PTGIR: variants seen among roughly 807,000 people sequenced by gnomAD.
PTGIR encodes prostaglandin I2 receptor, also known as prostacyclin receptor.
Under a neutral mutation model 17.6 loss-of-function variants are expected in PTGIR, and 16 were observed. The observed-to-expected ratio is 0.91, with a 90% confidence interval of 0.61 to 1.38. PTGIR has a LOEUF of 1.38. PTGIR is among the 40% of genes most tolerant of loss of function. The pLI, the probability that PTGIR is intolerant of heterozygous loss-of-function variation, is 0.00. For missense variants in PTGIR, 532 were observed against 548.6 expected (o/e 0.97, Z 0.30); for synonymous variants, 274 against 255.4 (o/e 1.07, Z -0.69).
At chr19:46,618,103 C>A (rs1438563303), downstream of PTGIR, among the ~76,000 whole-genome samples, 3 of 151,288 alleles carry the variant, frequency 2.0e-5, no homozygotes, top group Non-Finnish European at 4.4e-5. Flanking sequence ...CAAGCTCTGC[C>A]TCCCGGGTTC....
intron 2 of PTGIR, chr19:46,622,103 G>A (rs1460231650): frequency 8.1e-6 from 8 of 985,452 alleles, no homozygotes; most frequent in East Asian, 2.3e-4. Context: ...CCCCCAATCC[G>A]GCCTGGCCTC....
Position 46,621,976 on chromosome 19 carries a change from G to A in PTGIR, c.769-304C>T. On this transcript the variant is annotated intron_variant, in intron 2 of 2. Coordinates refer to ENST00000291294, the MANE Select transcript of PTGIR (RefSeq NM_000960.4). The surrounding 1 kb of genome is among the most constrained non-coding windows in gnomAD (Gnocchi z 4.8). ...GAGTATAACGTCCCTGCAAGAAGGT[G>A]GCGCCACCCGGCTGGGCCCCCTGAA... The A allele has an allele frequency of 1.0e-6, 1 of 985,422 alleles. No homozygotes were observed. Among genetic ancestry groups the A allele is most frequent in the Non-Finnish European group, 1.2e-6 (1 of 829,936 alleles). The allele number at this position is 985,422 out of a possible 1,614,324, so 61.0% of individuals were successfully genotyped here.
chr19:46,619,654 A>G (rs768494618), downstream of PTGIR, among the ~76,000 whole-genome samples: 9 of 89,292 alleles, frequency 1.0e-4, no homozygotes, highest in East Asian at 4.5e-4. Flanking sequence ...AGAAAGAAAG[A>G]AAAGAAAGAA....
At chr19:46,611,521 A>G in the PTGIR span, among the ~76,000 whole-genome samples, 12 of 152,240 alleles carry the variant, frequency 7.9e-5, no homozygotes, top group Non-Finnish European at 1.8e-4. Context: ...ATTGCAAACC[A>G]CACAAGGCAG....
At chr19:46,615,469 T>C (rs1368479881), downstream of PTGIR, among the ~76,000 whole-genome samples, 4 of 152,196 alleles carry the variant, frequency 2.6e-5, no homozygotes, top group Non-Finnish European at 4.4e-5. Context: ...CTGTGCCCTC[T>C]TAGTACGGCT....
At chr19:46,619,820 G>C (rs950580060), downstream of PTGIR, among the ~76,000 whole-genome samples, 5 of 152,200 alleles carry the variant, frequency 3.3e-5, no homozygotes, top group African/African-American at 9.7e-5. Context: ...TTTAACAGAG[G>C]GGGAGAGTAG....
Position 46,623,604 on chromosome 19 carries a change from G to A in PTGIR, c.622C>T (p.Leu208Phe), listed in dbSNP as rs1424942422. Reference protein sequence around the residue: ...AIFLCNGSVTLSLCRMYRQQK... With the variant: ...AIFLCNGSVTFSLCRMYRQQK... ...TGGCGGTACATGCGGCAGAGGCTGAGGGTGACCGAGCCGTTGCAGAGGAAG... is the reference window on the plus strand; with the variant it reads ...TGGCGGTACATGCGGCAGAGGCTGAAGGTGACCGAGCCGTTGCAGAGGAAG... Residue 208 changes from leucine to phenylalanine, a missense_variant, in exon 2 of 3, where the codon CTC becomes TTC. By Grantham distance (22) the Leu-to-Phe change is conservative. Coordinates refer to ENST00000291294, the MANE Select transcript of PTGIR (RefSeq NM_000960.4). 3.9e-6 allele frequency: 6 copies of A among 1,549,348 alleles called. No homozygotes were observed. In the African/African-American group the frequency reaches 5.5e-5, roughly 14 times the overall value.
chr19:46,617,180 G>A (rs1441632536), downstream of PTGIR, among the ~76,000 whole-genome samples: 3 of 152,200 alleles, frequency 2.0e-5, no homozygotes, highest in Non-Finnish European at 2.9e-5. Context: ...GGGTGGGAGC[G>A]CGGGAGCTGG....
chr19:46,617,640 T>C (rs942722248), downstream of PTGIR, among the ~76,000 whole-genome samples: 2 of 152,124 alleles, frequency 1.3e-5, no homozygotes, highest in Non-Finnish European at 2.9e-5. Context: ...AGAGGCCAGA[T>C]GGGCAGAACT....
At position 46,620,733 on chromosome 19, in the gene PTGIR, C is replaced by T; in HGVS notation, c.*547G>A. Reference sequence around the variant, plus strand: ...AGCAGCCTCCCCTTCCTCCCGTTGCCCCTTTGGGATGCCAGGGCTCCCAAG... The same window carrying T: ...AGCAGCCTCCCCTTCCTCCCGTTGCTCCTTTGGGATGCCAGGGCTCCCAAG... On this transcript the variant is annotated 3_prime_UTR_variant, in exon 3 of 3. Coordinates refer to ENST00000291294, the MANE Select transcript of PTGIR (RefSeq NM_000960.4). 4.1e-6 allele frequency: 4 copies of T among 986,008 alleles called. No homozygotes were observed. Among genetic ancestry groups the T allele is most frequent in the Non-Finnish European group, 3.6e-6 (3 of 830,022 alleles). 61.1% of individuals were successfully genotyped at this position (986,008 alleles called of 1,614,324 possible). A position where few individuals can be genotyped will look rare whatever the true frequency, so the allele number is the denominator to read the frequency against.
chr19:46,624,029 A>C lies in PTGIR; in HGVS notation c.197T>G (p.Phe66Cys). Residue 66 changes from phenylalanine (F) to cysteine (C), a missense_variant, in exon 2 of 3, where the codon TTC (phenylalanine) becomes TGC (cysteine). Physicochemically the swap from Phe to Cys is radical, Grantham distance 205 (BLOSUM62 -2). Transcript: ENST00000291294. ...GGCCACGAACACGGCCGGGCTCAGG[A>C]AGCTGGTGCCCAGCAGGTCGGTGGC... ...LAATDLLGTS[F>C]LSPAVFVAYA... 1 of 1,541,060 alleles carries C rather than the reference A, an allele frequency of 6.5e-7. No individual in the cohort carries two copies. Among genetic ancestry groups the C allele is most frequent in the Non-Finnish European group, 8.7e-7 (1 of 1,143,624 alleles).
rs1568681344 is a variant in PTGIR at position 46,624,059 on chromosome 19, AGTCCG to A, written c.162_166del (p.Leu56GlyfsTer210). 1 of 1,538,748 alleles carries A rather than the reference AGTCCG, an allele frequency of 6.5e-7. No individual in the cohort carries two copies. The highest frequency in any genetic ancestry group is 8.7e-7 in the Non-Finnish European group (1 of 1,145,064). ...GGTGCCCAGCAGGTCGGTGGCCGCC[AGTCCG>A]GTCACCAGCACCGCGAAGGCCGAGG... On this transcript the variant is annotated frameshift_variant, in exon 2 of 3. Coordinates refer to ENST00000291294, the MANE Select transcript of PTGIR (RefSeq NM_000960.4). LOFTEE classifies it high-confidence loss of function.
chr19:46,622,205 C>T (rs987570810), intron 2 of PTGIR: 23 of 985,316 alleles, frequency 2.3e-5, no homozygotes, highest in East Asian at 1.1e-4. Flanking sequence ...GTCTGTGCCA[C>T]TCCCATTGGG....
rs774774728 is a variant in PTGIR, at chr19:46,621,231, C to T, written c.*49G>A. On this transcript the variant is annotated 3_prime_UTR_variant, in exon 3 of 3. Coordinates refer to ENST00000291294, the MANE Select transcript of PTGIR (RefSeq NM_000960.4). This position sits in a 1 kb window ranked among gnomAD's most constrained non-coding sequence, Gnocchi z 4.8. The stretch of plus-strand genomic sequence containing the variant: ...ATCAGCCATGTCCCTGATTTTCTGG[C>T]TCCTGTCGCCCGAAGACAGGGCAGA... The T allele has an allele frequency of 8.2e-6, 12 of 1,467,990 alleles. No homozygotes were observed. The African/African-American group carries it at 9.9e-5, about 12-fold the overall frequency. The allele number at this position is 1,467,990 out of a possible 1,614,324, so 90.9% of individuals were successfully genotyped here. A position where few individuals can be genotyped will look rare whatever the true frequency, so the allele number is the denominator to read the frequency against.
chr19:46,622,092 C>T lies in PTGIR; in HGVS notation c.769-420G>A, dbSNP rs567859722. On this transcript the variant is annotated intron_variant, in intron 2 of 2. Coordinates refer to ENST00000291294, the MANE Select transcript of PTGIR (RefSeq NM_000960.4). ...GTAACCCCCAAAAAAGATTTAAGGA[C>T]CCCCCAATCCGGCCTGGCCTCTTGC... 66 of 985,420 alleles carry T rather than the reference C, an allele frequency of 6.7e-5. No individual in the cohort carries two copies. The East Asian group carries it at 3.9e-3, about 58-fold the overall frequency. 61.0% of individuals were successfully genotyped at this position (985,420 alleles called of 1,614,324 possible).
Position 46,621,203 on chromosome 19 carries a change from G to A in PTGIR, c.*77C>T. On this transcript the variant is annotated 3_prime_UTR_variant, in exon 3 of 3. Transcript: ENST00000291294. The surrounding 1 kb of genome is among the most constrained non-coding windows in gnomAD (Gnocchi z 4.8). The stretch of plus-strand genomic sequence containing the variant: ...GGGGGCCAAGGTTCCAGCATCCGCA[G>A]CCATCAGCCATGTCCCTGATTTTCT... The A allele has an allele frequency of 4.2e-6, 6 of 1,444,336 alleles. No homozygotes were observed. The highest frequency in any genetic ancestry group is 5.5e-6 in the Non-Finnish European group (6 of 1,094,902). 89.5% of individuals were successfully genotyped at this position (1,444,336 alleles called of 1,614,324 possible).
chr19:46,619,604 G>GGAGA, downstream of PTGIR, among the ~76,000 whole-genome samples: 1 of 67,206 alleles, frequency 1.5e-5, no homozygotes, highest in African/African-American at 6.6e-5. Flanking sequence ...AAGAAAGAAA[G>GGAGA]GAAAGAAAGA....
chr19:46,619,994 G>A (rs1972035580), downstream of PTGIR, among the ~76,000 whole-genome samples: 1 of 152,222 alleles, frequency 6.6e-6, no homozygotes, highest in South Asian at 2.1e-4. Context: ...GTCATGAGAA[G>A]CCTGTGTGGA....
the PTGIR span, chr19:46,614,286 C>A: frequency 7.7e-5 from 60 of 776,726 alleles, no homozygotes; most frequent in Non-Finnish European, 8.9e-5. Flanking sequence ...CTGAGTGTCA[C>A]TCCCAGTGTG....
Sources: allele counts gnomAD v4.1 joint callset (sites outside exome capture counted in the v4.1 genomes callset), GRCh38; gene constraint gnomAD v4.1.1; non-coding constraint Gnocchi (gnomAD v3.1); transcripts MANE v1.5; gene names NCBI Gene and HGNC (gene_info 2026-07-23, HGNC 2026-07-21).